The following ATF7IP2 variants were observed in gnomAD, a reference collection of about 807,000 sequenced individuals.
The protein encoded by ATF7IP2 is activating transcription factor 7-interacting protein 2.
A neutral mutation model predicts 64.2 loss-of-function variants in ATF7IP2; 42 were observed. The observed-to-expected ratio is 0.65, with a 90% CI of 0.51 to 0.85. ATF7IP2 has a LOEUF of 0.85. ATF7IP2 is among the 40% of genes least tolerant of loss of function. ATF7IP2 has a pLI of 0.00. For synonymous variants in ATF7IP2, 308 were observed against 272.8 expected (o/e 1.13, Z -1.27); for missense variants, 933 against 784.2 (o/e 1.19, Z -2.27).
At chr16:10,480,655 T>G (rs908859915) in intron 12 of ATF7IP2, among the ~76,000 whole-genome samples, 1 of 150,744 alleles carries the variant, frequency 6.6e-6, no homozygotes, top group Non-Finnish European at 1.5e-5. Flanking sequence ...AGTTACACAA[T>G]GTCTAAAGTG....
intron 9 of ATF7IP2, among the ~76,000 whole-genome samples, chr16:10,468,354 T>G (rs1268429587): frequency 6.6e-6 from 1 of 152,140 alleles, no homozygotes; most frequent in African/African-American, 2.4e-5. Context: ...TGAACATGAT[T>G]TTTGCCTCTC....
Position 10,410,071 on chromosome 16 carries a change from C to T in ATF7IP2, c.-241-4503C>T, listed in dbSNP as rs534854703. ...TGGTTATACAGGCTCTTTTTTGGTT[C>T]CATATGAATTTAGGATTCTTTTTTC... On this transcript the variant is annotated intron_variant, in intron 1 of 13. Coordinates refer to ENST00000562102, the MANE Select transcript of ATF7IP2 (RefSeq NM_001393719.1). Among the ~76,000 whole-genome samples, 288 of 151,992 alleles carry T rather than the reference C, an allele frequency of 1.9e-3. 1 individual carries two copies. The highest frequency in any genetic ancestry group is 6.4e-3 in the African/African-American group (264 of 41,466).
intron 9 of ATF7IP2, among the ~76,000 whole-genome samples, chr16:10,461,918 G>C (rs2049386282): frequency 6.6e-6 from 1 of 152,084 alleles, no homozygotes; most frequent in South Asian, 2.1e-4. Context: ...TGACTGATGT[G>C]TGTGGATTTA....
rs1427288493 is a variant in ATF7IP2, at chr16:10,431,138, T to G, written c.518T>G (p.Val173Gly). ...SLKSSCCPPS[V>G]LSGVVQMPES... ...AAGTCCAGTTGCTGTCCACCCAGTG[T>G]ATTGAGTGGTGTTGTTCAGATGCCA... Residue 173 changes from valine to glycine, a missense_variant, in exon 5 of 14, where the codon GTA becomes GGA. Coordinates refer to ENST00000562102, the MANE Select transcript of ATF7IP2 (RefSeq NM_001393719.1). 1 of 1,614,076 alleles carries G rather than the reference T, an allele frequency of 6.2e-7. No individual in the cohort carries two copies. Among genetic ancestry groups the G allele is most frequent in the Non-Finnish European group, 8.5e-7 (1 of 1,180,054 alleles).
chr16:10,480,902 T>A lies in ATF7IP2; in HGVS notation c.1573T>A (p.Ser525Thr). The A allele has an allele frequency of 1.9e-6, 3 of 1,612,320 alleles. No homozygotes were observed. Among genetic ancestry groups the A allele is most frequent in the Non-Finnish European group, 2.5e-6 (3 of 1,178,560 alleles). ...NTESPVSPLE[S>T]HSKAASNSKE... ...AGAAAGTCCAGTATCCCCCCTGGAG[T>A]CACATTCGAAAGCTGCTTCAAACTC... Residue 525 changes from serine (S) to threonine (T), a missense_variant, in exon 13 of 14, where the codon TCA (serine) becomes ACA (threonine). Ser to Thr is a moderately conservative substitution (Grantham distance 58, BLOSUM62 1). Coordinates refer to ENST00000562102, the MANE Select transcript of ATF7IP2 (RefSeq NM_001393719.1).
At chr16:10,388,086 TC>T (rs1409964596) in intron 1 of ATF7IP2, among the ~76,000 whole-genome samples, 1 of 152,040 alleles carries the variant, frequency 6.6e-6, no homozygotes, top group Non-Finnish European at 1.5e-5. Flanking sequence ...AGATGGGGTT[TC>T]ACCGTGTTGG....
At chr16:10,468,129 C>T (rs940520591) in intron 9 of ATF7IP2, among the ~76,000 whole-genome samples, 12 of 152,126 alleles carry the variant, frequency 7.9e-5, no homozygotes, top group Non-Finnish European at 1.6e-4. Context: ...ATCCTCCCAC[C>T]TCCACCTCCC....
intron 12 of ATF7IP2, 36 bp downstream of exon 12, chr16:10,474,025 G>T: frequency 1.4e-6 from 2 of 1,407,774 alleles, no homozygotes; most frequent in Non-Finnish European, 2.0e-6. Flanking sequence ...TTTGTAAAAA[G>T]GAGGGAAGGG....
At chr16:10,438,024 AG>A in intron 6 of ATF7IP2, 76 bp from the exon 7 acceptor site, 1 of 1,165,182 alleles carries the variant, frequency 8.6e-7, no homozygotes, top group Non-Finnish European at 1.2e-6. Context: ...GAAAAGAGCA[AG>A]GCTTTTTAAG....
At chr16:10,427,043 A>G (rs889292776) in intron 3 of ATF7IP2, among the ~76,000 whole-genome samples, 2 of 152,106 alleles carry the variant, frequency 1.3e-5, no homozygotes, top group African/African-American at 4.8e-5. Context: ...TAGTACAGAC[A>G]GGGTTTCACC....
At chr16:10,392,940 C>G (rs1421998541) in intron 1 of ATF7IP2, among the ~76,000 whole-genome samples, 2 of 151,984 alleles carry the variant, frequency 1.3e-5, no homozygotes, top group Admixed American at 1.3e-4. Flanking sequence ...AAGCTGTGTT[C>G]ATGCCCACTG....
chr16:10,422,720 A>G (rs1027966817), intron 3 of ATF7IP2, among the ~76,000 whole-genome samples: 7 of 152,192 alleles, frequency 4.6e-5, no homozygotes, highest in South Asian at 4.1e-4. Flanking sequence ...TAGGACATTT[A>G]TCAGTAATTT....
intron 12 of ATF7IP2, 44 bp downstream of exon 12, chr16:10,474,033 G>C: frequency 3.0e-6 from 4 of 1,317,282 alleles, no homozygotes; most frequent in East Asian, 4.6e-5. Flanking sequence ...AAGGAGGGAA[G>C]GGTAACAACT....
chr16:10,435,096 A>T (rs1028609167), intron 6 of ATF7IP2, among the ~76,000 whole-genome samples: 3 of 152,150 alleles, frequency 2.0e-5, no homozygotes, highest in Non-Finnish European at 4.4e-5. Context: ...GTACATAACC[A>T]TCTCTAAATA....
intron 3 of ATF7IP2, among the ~76,000 whole-genome samples, chr16:10,426,075 T>C (rs2048080279): frequency 6.6e-6 from 1 of 152,216 alleles, no homozygotes; most frequent in African/African-American, 2.4e-5. Context: ...CTTTCCTCTT[T>C]CTATGTGCTA....
chr16:10,471,862 G>T (rs567128132), intron 9 of ATF7IP2: 85 of 282,476 alleles, frequency 3.0e-4, no homozygotes, highest in Non-Finnish European at 4.8e-4. Context: ...TTGAGTCATT[G>T]TGAAAGACCC....
rs547540146 is a variant in ATF7IP2, at chr16:10,473,681, C to T, written c.1482+147C>T. 75 of 675,550 alleles carry T rather than the reference C, an allele frequency of 1.1e-4. No homozygotes were observed. The South Asian group carries it at 1.2e-3, about 11-fold the overall frequency. 41.8% of individuals were successfully genotyped at this position (675,550 alleles called of 1,614,324 possible). ...AGCTAATGATAAGCATAATTCATAA[C>T]GATACTCATTTACCAAATTCATTTA... On this transcript the variant is annotated intron_variant, in intron 11 of 13. Transcript: ENST00000562102.
intron 9 of ATF7IP2, 66 bp downstream of exon 9, chr16:10,457,595 C>A: frequency 8.2e-7 from 1 of 1,213,340 alleles, no homozygotes; most frequent in Non-Finnish European, 1.1e-6. Context: ...TTCTTCATCA[C>A]AGTTTTGGAT....
At chr16:10,429,297 T>C (rs964058745) in intron 4 of ATF7IP2, among the ~76,000 whole-genome samples, 1 of 152,204 alleles carries the variant, frequency 6.6e-6, no homozygotes, top group African/African-American at 2.4e-5. Context: ...AGGGTCTTAA[T>C]TAATGAAGAG....
Sources: gnomAD v4.1 joint callset for allele counts (sites outside exome capture counted in the v4.1 genomes callset) on GRCh38, gnomAD v4.1.1 for gene constraint, MANE v1.5 for transcripts, NCBI Gene and HGNC (gene_info 2026-07-23, HGNC 2026-07-21) for gene names.